The following C17orf107 variants were observed in gnomAD, a reference collection of about 807,000 sequenced individuals.
C17orf107 encodes uncharacterized protein C17orf107.
In C17orf107, 9 loss-of-function variants were observed where a neutral mutation model predicts 8.9. The observed-to-expected ratio is 1.02, with a 90% confidence interval of 0.61 to 1.77. The LOEUF is 1.77. Among genes scored for constraint, C17orf107 ranks in the 40% most tolerant of loss-of-function variants. C17orf107 has a pLI of 0.00. For synonymous variants in C17orf107, 139 were observed against 120.3 expected, an observed-to-expected ratio of 1.16 and a Z score of -1.02; for missense variants, 281 against 249.0, an observed-to-expected ratio of 1.13 and a Z score of -0.86.
In C17orf107 at chr17:4,899,952, CG is replaced by C; in HGVS notation, c.84del (p.Leu29PhefsTer23). ...CTTCTCCAGGTGGCCCTCCAGCCCC[CG>C]CTTCTGTCTTCCCTGGAACTCTCCG... The part of the protein sequence containing the change: ...HSSTEVALQP[P>X]LLSSLELSVA... On this transcript the variant is annotated frameshift_variant, in exon 2 of 3. Coordinates refer to ENST00000381365, the MANE Select transcript of C17orf107 (RefSeq NM_001145536.2). LOFTEE classifies it high-confidence loss of function. The C allele has an allele frequency of 6.4e-7, 1 of 1,550,958 alleles. No individual in the cohort carries two copies. The highest frequency in any genetic ancestry group is 8.7e-7 in the Non-Finnish European group (1 of 1,146,588).
rs904469277 is a variant in C17orf107 at position 4,900,696 on chromosome 17, G to A, written c.*163G>A. ...CCAGCGTCCGAATAAAGCCCAGGGC[G>A]GGGCGAGACAGCCAGAGCTTTTCCC... On this transcript the variant is annotated 3_prime_UTR_variant, in exon 3 of 3. Transcript: ENST00000381365. 21 of 1,465,934 alleles carry A rather than the reference G, an allele frequency of 1.4e-5. 1 individual carries two copies. In the South Asian group the frequency reaches 2.3e-4, roughly 16 times the overall value. The allele number at this position is 1,465,934 out of a possible 1,614,324, so 90.8% of individuals were successfully genotyped here.
Position 4,901,251 on chromosome 17 carries a change from G to A in C17orf107, c.*718G>A, listed in dbSNP as rs1045728830. 1.3e-5 allele frequency: 21 copies of A among 1,560,534 alleles called. No homozygotes were observed. In the African/African-American group the frequency reaches 1.5e-4, roughly 11 times the overall value. The stretch of plus-strand genomic sequence containing the variant: ...GCGGGGCGCCCGCCGAGCTGACAGC[G>A]GGCTGAAGAGGAGGCTGCGGCTGTC... On this transcript the variant is annotated 3_prime_UTR_variant, in exon 3 of 3. Coordinates refer to ENST00000381365, the MANE Select transcript of C17orf107 (RefSeq NM_001145536.2).
rs1969948519 is a variant in C17orf107 at position 4,900,584 on chromosome 17, G to C, written c.*51G>C. ...GGCACTGAGCCGGACTGTCCCCCAA[G>C]AGAGCTACTCGGGAGACCTCCAGGT... On this transcript the variant is annotated 3_prime_UTR_variant, in exon 3 of 3. Transcript: ENST00000381365. The C allele has an allele frequency of 1.3e-6, 2 of 1,547,652 alleles. No individual in the cohort carries two copies. Among genetic ancestry groups the C allele is most frequent in the East Asian group, 2.4e-5 (1 of 40,928 alleles).
In C17orf107 at chr17:4,902,079, C is replaced by T. The variant is rs1555546986; in HGVS notation, c.*1546C>T. 6 of 1,613,936 alleles carry T rather than the reference C, an allele frequency of 3.7e-6. No individual in the cohort carries two copies. In the South Asian group the frequency reaches 4.4e-5, roughly 12 times the overall value. ...GGCGTCGTAGGCCACTCCGAACTGG[C>T]CATCAATACTGTGGGCTCGGGGAAA... On this transcript the variant is annotated 3_prime_UTR_variant, in exon 3 of 3. Transcript: ENST00000381365. The surrounding 1 kb of genome is among the most constrained non-coding windows in gnomAD (Gnocchi z 4.0).
chr17:4,904,150 C>T (rs1970058150), downstream of C17orf107, among the ~76,000 whole-genome samples: 1 of 152,140 alleles, frequency 6.6e-6, no homozygotes, highest in Admixed American at 6.5e-5. Flanking sequence ...AGCCACCGCG[C>T]CCAGCCTCGA....
chr17:4,900,076 G>A lies in C17orf107; in HGVS notation c.207G>A (p.Lys69=). ...TGCAGGGGATGCTGCCTGCCCCGAA[G>A]CCCACCCTGGGGCTGGTGTTGAGAG... ...PKMQGMLPAP[K]PTLGLVLREA... Residue 69 remains lysine, a synonymous_variant, in exon 2 of 3, where the codon AAG becomes AAA. Transcript: ENST00000381365. 6.4e-6 allele frequency: 10 copies of A among 1,551,070 alleles called. No individual in the cohort carries two copies. Among genetic ancestry groups the A allele is most frequent in the Non-Finnish European group, 8.7e-6 (10 of 1,146,994 alleles).
chr17:4,901,150 G>T lies in C17orf107; in HGVS notation c.*617G>T. 9.9e-6 allele frequency: 16 copies of T among 1,610,630 alleles called. No individual in the cohort carries two copies. The highest frequency in any genetic ancestry group is 1.4e-5 in the Non-Finnish European group (16 of 1,179,892). On this transcript the variant is annotated 3_prime_UTR_variant, in exon 3 of 3. Coordinates refer to ENST00000381365, the MANE Select transcript of C17orf107 (RefSeq NM_001145536.2). ...CGGTGGCGCCACCGTGGTGGCGGCG[G>T]ATCACCCCCGGGCAGAAGTCGATGG...
chr17:4,900,005 C>G lies in C17orf107; in HGVS notation c.136C>G (p.Gln46Glu), dbSNP rs745466246. ...GGCCGCAGCCCATGAATATCTGGAG[C>G]AGAGGTTCAGAGAGCTGAAGTCCCT... ...SVAAAHEYLE[Q>E]RFRELKSLEP... is the part of the protein sequence containing the mutation. The change falls in exon 2 of 3, where the codon CAG becomes GAG. Residue 46 changes from glutamine (Q) to glutamate (E), a missense_variant. Transcript: ENST00000381365. 1.9e-6 allele frequency: 3 copies of G among 1,549,788 alleles called. No individual in the cohort carries two copies. Among genetic ancestry groups the G allele is most frequent in the Admixed American group, 3.9e-5 (2 of 50,932 alleles).
rs187741702 is a variant in C17orf107 at position 4,900,653 on chromosome 17, T to A, written c.*120T>A. 35 of 1,444,512 alleles carry A rather than the reference T, an allele frequency of 2.4e-5. No homozygotes were observed. The Admixed American group carries it at 6.2e-4, about 25-fold the overall frequency. The allele number at this position is 1,444,512 out of a possible 1,614,324, so 89.5% of individuals were successfully genotyped here. A position where few individuals can be genotyped will look rare whatever the true frequency, so the allele number is the denominator to read the frequency against. On this transcript the variant is annotated 3_prime_UTR_variant, in exon 3 of 3. Transcript: ENST00000381365. Reference sequence around the variant, plus strand: ...GGAGGACGGCGGACCAGGGACTCCATCCCCGTACCAGCCCCACCCAGCGTC... The same window carrying A: ...GGAGGACGGCGGACCAGGGACTCCAACCCCGTACCAGCCCCACCCAGCGTC...
chr17:4,902,072 G>A lies in C17orf107; in HGVS notation c.*1539G>A, dbSNP rs140042356. 2.0e-5 allele frequency: 32 copies of A among 1,613,890 alleles called. No individual in the cohort carries two copies. Among genetic ancestry groups the A allele is most frequent in the Non-Finnish European group, 2.6e-5 (31 of 1,180,034 alleles). ...GCACGTTGGCGTCGTAGGCCACTCCGAACTGGCCATCAATACTGTGGGCTC... is the reference window on the plus strand; with the variant it reads ...GCACGTTGGCGTCGTAGGCCACTCCAAACTGGCCATCAATACTGTGGGCTC... On this transcript the variant is annotated 3_prime_UTR_variant, in exon 3 of 3. Transcript: ENST00000381365. The surrounding 1 kb of genome is among the most constrained non-coding windows in gnomAD (Gnocchi z 4.0).
chr17:4,905,972 C>T (rs1478935243), downstream of C17orf107, among the ~76,000 whole-genome samples: 1 of 152,230 alleles, frequency 6.6e-6, no homozygotes, highest in East Asian at 1.9e-4. Context: ...GTCTCCTGAT[C>T]TGTCTCTGCC....
At chr17:4,903,759 G>A (rs1226006408), downstream of C17orf107, among the ~76,000 whole-genome samples, 2 of 152,134 alleles carry the variant, frequency 1.3e-5, no homozygotes, top group Non-Finnish European at 2.9e-5. Flanking sequence ...TGTGGTCACA[G>A]ATGATAGTAC....
At position 4,902,035 on chromosome 17, in the gene C17orf107, C is replaced by T; in HGVS notation, c.*1502C>T. The T allele has an allele frequency of 6.2e-7, 1 of 1,614,142 alleles. No individual in the cohort carries two copies. Among genetic ancestry groups the T allele is most frequent in the East Asian group, 2.2e-5 (1 of 44,886 alleles). ...GGAGGCAGCCACGTCACGGAGCCGCCCTCGTAGACGAGCACGTTGGCGTCG... is the reference window on the plus strand; with the variant it reads ...GGAGGCAGCCACGTCACGGAGCCGCTCTCGTAGACGAGCACGTTGGCGTCG... On this transcript the variant is annotated 3_prime_UTR_variant, in exon 3 of 3. Coordinates refer to ENST00000381365, the MANE Select transcript of C17orf107 (RefSeq NM_001145536.2). This position sits in a 1 kb window ranked among gnomAD's most constrained non-coding sequence, Gnocchi z 4.0.
At position 4,901,440 on chromosome 17, in the gene C17orf107, G is replaced by T; in HGVS notation, c.*907G>T. On this transcript the variant is annotated 3_prime_UTR_variant, in exon 3 of 3. Transcript: ENST00000381365. ...GTTGTGGAAGTCATCCTCCAGTGTCGTTGGTCCGGGGCAAGCCCACCGTGG... is the reference window on the plus strand; with the variant it reads ...GTTGTGGAAGTCATCCTCCAGTGTCTTTGGTCCGGGGCAAGCCCACCGTGG... 7.8e-7 allele frequency: 1 copy of T among 1,283,872 alleles called. No homozygotes were observed. The highest frequency in any genetic ancestry group is 1.1e-6 in the Non-Finnish European group (1 of 881,724). The allele number at this position is 1,283,872 out of a possible 1,614,324, so 79.5% of individuals were successfully genotyped here.
Position 4,902,252 on chromosome 17 carries a change from T to C in C17orf107, c.*1719T>C. ...GCACAATCTCTGGCAGCCACACGAG[T>C]TCTGAAGGGACTCGCAGGGTTTCTA... On this transcript the variant is annotated 3_prime_UTR_variant, in exon 3 of 3. Transcript: ENST00000381365. The surrounding 1 kb of genome is among the most constrained non-coding windows in gnomAD (Gnocchi z 4.0). The C allele has an allele frequency of 6.2e-7, 1 of 1,614,078 alleles. No individual in the cohort carries two copies. Among genetic ancestry groups the C allele is most frequent in the Non-Finnish European group, 8.5e-7 (1 of 1,180,006 alleles).
rs748517215 is a variant in C17orf107, at chr17:4,901,518, G to C, written c.*985G>C. 1 of 1,613,498 alleles carries C rather than the reference G, an allele frequency of 6.2e-7. No individual in the cohort carries two copies. The highest frequency in any genetic ancestry group is 1.1e-5 in the South Asian group (1 of 91,070). Reference sequence around the variant, plus strand: ...AGCGGGTTTTTCTGAGCAGGCAGGGGCTTCACCAGTATAGGCCTCTGTGTC... The same window carrying C: ...AGCGGGTTTTTCTGAGCAGGCAGGGCCTTCACCAGTATAGGCCTCTGTGTC... On this transcript the variant is annotated 3_prime_UTR_variant, in exon 3 of 3. Transcript: ENST00000381365.
chr17:4,900,789 T>A lies in C17orf107; in HGVS notation c.*256T>A. 6.2e-7 allele frequency: 1 copy of A among 1,613,000 alleles called. No homozygotes were observed. The highest frequency in any genetic ancestry group is 1.1e-5 in the South Asian group (1 of 90,984). ...CCACACCCCCGCGGGGGCTCCGGCT[T>A]CACCTGCCCAGGAGCGGCACGCTCA... On this transcript the variant is annotated 3_prime_UTR_variant, in exon 3 of 3. Coordinates refer to ENST00000381365, the MANE Select transcript of C17orf107 (RefSeq NM_001145536.2).
At position 4,900,498 on chromosome 17, in the gene C17orf107, G is replaced by A. The variant is rs1304429225; in HGVS notation, c.538G>A (p.Gly180Arg). 16 of 1,550,874 alleles carry A rather than the reference G, an allele frequency of 1.0e-5. No individual in the cohort carries two copies. The highest frequency in any genetic ancestry group is 3.3e-4 in the Middle Eastern group (2 of 6,014). The stretch of plus-strand genomic sequence containing the variant: ...ACAGCAGCTAGGCCTCGGAATCCCC[G>A]GAGAACCGGTGAGCTCAGGACACGG... ...SQQQLGLGIPGEPVSSGHGVS is the reference protein window; with the variant it reads ...SQQQLGLGIPREPVSSGHGVS The change falls in exon 3 of 3, where the codon GGA becomes AGA. Residue 180 changes from glycine (G) to arginine (R), a missense_variant. Physicochemically the swap from Gly to Arg is moderately radical, Grantham distance 125 (BLOSUM62 -2). Transcript: ENST00000381365.
rs1301268610 is a variant in C17orf107 at position 4,899,626 on chromosome 17, C to T, written c.-137C>T. 6.7e-7 allele frequency: 1 copy of T among 1,493,314 alleles called. No individual in the cohort carries two copies. The highest frequency in any genetic ancestry group is 9.1e-7 in the Non-Finnish European group (1 of 1,093,686). 92.5% of individuals were successfully genotyped at this position (1,493,314 alleles called of 1,614,324 possible). ...ATGACATCACCGTTCCTCCTCCCAG[C>T]TACCGAAGGCGCCGCGCGCTGACCT... On this transcript the variant is annotated 5_prime_UTR_variant, in exon 1 of 3. Transcript: ENST00000381365.
Sources: gnomAD v4.1 joint callset for allele counts (sites outside exome capture counted in the v4.1 genomes callset) on GRCh38, gnomAD v4.1.1 for gene constraint, Gnocchi (gnomAD v3.1) non-coding constraint, MANE v1.5 for transcripts, NCBI Gene and HGNC (gene_info 2026-07-23, HGNC 2026-07-21) for gene names.